The following PCDHA12 variants were observed in gnomAD, a reference collection of about 807,000 sequenced individuals.
The protein encoded by PCDHA12 is protocadherin alpha 12, also known as protocadherin alpha-12.
In PCDHA12, 44 loss-of-function variants were observed where a neutral mutation model predicts 60.0. That is an observed-to-expected ratio of 0.73 (90% CI 0.58 to 0.94). The LOEUF (loss-of-function observed/expected upper bound fraction) is 0.94. Ranked by LOEUF, PCDHA12 falls within the 40% of genes least tolerant of loss-of-function variation. The pLI is 0.00. For synonymous variants in PCDHA12, 569 were observed against 553.0 expected (o/e 1.03, Z -0.40); for missense variants, 1,276 against 1,239.7 (o/e 1.03, Z -0.44).
chr5:140,899,050 G>A (rs1554188361), intron 1 of PCDHA12, among the ~76,000 whole-genome samples: 2 of 152,016 alleles, frequency 1.3e-5, no homozygotes, highest in African/African-American at 4.8e-5. Context: ...TGTATCCTGA[G>A]ACTTTGCTGA....
intron 1 of PCDHA12, among the ~76,000 whole-genome samples, chr5:140,941,214 CCTTT>C (rs60032403): frequency 6.5e-5 from 8 of 122,492 alleles, no homozygotes; most frequent in Non-Finnish European, 1.2e-4. Context: ...TTTCTTTCTT[CCTTT>C]CTTTCTTTCT....
chr5:140,990,822 C>G (rs1273714328), intron 3 of PCDHA12, among the ~76,000 whole-genome samples: 1 of 152,204 alleles, frequency 6.6e-6, no homozygotes. Flanking sequence ...CTTCTCTCAG[C>G]TAAAGCCTAT....
intron 1 of PCDHA12, among the ~76,000 whole-genome samples, chr5:140,918,402 T>C (rs906018367): frequency 1.3e-5 from 2 of 152,212 alleles, no homozygotes; most frequent in African/African-American, 4.8e-5. Flanking sequence ...GCCTGATTTC[T>C]CTGGCCAGGA....
intron 3 of PCDHA12, among the ~76,000 whole-genome samples, chr5:141,000,387 CTCTCTCTCTATATATATATA>C (rs1348939997): frequency 1.5e-5 from 1 of 66,898 alleles, no homozygotes; most frequent in Non-Finnish European, 2.8e-5. Context: ...CTCTCTCTCT[CTCTCTCTCTATATATATATA>C]TATATATATA....
At chr5:140,995,410 T>C (rs555899259) in intron 3 of PCDHA12, among the ~76,000 whole-genome samples, 1 of 152,310 alleles carries the variant, frequency 6.6e-6, no homozygotes, top group Non-Finnish European at 1.5e-5. Flanking sequence ...CGAGATTTCA[T>C]CACATTACTC....
intron 1 of PCDHA12, among the ~76,000 whole-genome samples, chr5:140,951,082 C>CT (rs573059224): frequency 1.2e-3 from 178 of 151,520 alleles, no homozygotes; most frequent in African/African-American, 4.1e-3. Context: ...TTATATTTTC[C>CT]TTTTTTTCTG....
At chr5:140,940,667 T>A (rs1167360120) in intron 1 of PCDHA12, among the ~76,000 whole-genome samples, 5 of 152,224 alleles carry the variant, frequency 3.3e-5, no homozygotes, top group African/African-American at 1.2e-4. Context: ...TAAATCTTCA[T>A]CTGATAATTC....
At chr5:140,917,587 C>T (rs2078270380) in intron 1 of PCDHA12, among the ~76,000 whole-genome samples, 1 of 152,164 alleles carries the variant, frequency 6.6e-6, no homozygotes, top group Non-Finnish European at 1.5e-5. Context: ...TTTGTTCATG[C>T]TGAAAGGAAG....
At position 140,927,553 on chromosome 5, in the gene PCDHA12, A is replaced by G. The variant is rs782577411; in HGVS notation, c.2367+49714A>G. 1.3e-5 allele frequency: 21 copies of G among 1,614,030 alleles called. No homozygotes were observed. The highest frequency in any genetic ancestry group is 9.3e-5 in the African/African-American group (7 of 74,932). ...CCGCTCAGGAGACGCACAAGTCACC[A>G]TCATTGTGGTGGACACAAATGACAA... On this transcript the variant is annotated intron_variant, in intron 1 of 3. Coordinates refer to ENST00000398631, the MANE Select transcript of PCDHA12 (RefSeq NM_018903.4).
At chr5:140,895,092 G>A (rs2064837860) in intron 1 of PCDHA12, among the ~76,000 whole-genome samples, 1 of 152,090 alleles carries the variant, frequency 6.6e-6, no homozygotes, top group Admixed American at 6.5e-5. Flanking sequence ...CCTCAGTATA[G>A]GGGTTTTTGC....
At chr5:140,892,592 C>T (rs1053889046) in intron 1 of PCDHA12, among the ~76,000 whole-genome samples, 2 of 152,214 alleles carry the variant, frequency 1.3e-5, no homozygotes, top group Admixed American at 6.5e-5. Context: ...TATTCATTCA[C>T]CTATTTTTTT....
At chr5:140,994,939 C>T (rs1210134523) in intron 3 of PCDHA12, among the ~76,000 whole-genome samples, 5 of 152,160 alleles carry the variant, frequency 3.3e-5, no homozygotes, top group Non-Finnish European at 7.3e-5. Context: ...CTTAAACATC[C>T]TGCTAAATAA....
intron 1 of PCDHA12, among the ~76,000 whole-genome samples, chr5:140,903,649 T>C (rs1335268583): frequency 6.6e-6 from 1 of 152,236 alleles, no homozygotes; most frequent in Non-Finnish European, 1.5e-5. Context: ...CATATACATA[T>C]ATTATAAATT....
Position 140,958,902 on chromosome 5 carries a change from GAA to G in PCDHA12, c.2368-20044_2368-20043del, listed in dbSNP as rs201571519. On this transcript the variant is annotated intron_variant, in intron 1 of 3. Transcript: ENST00000398631. ...GACCAGTAGCTATATAATAGATACA[GAA>G]AAGTCTGCCTGGGTGTGGTGGCTCA... Among the ~76,000 whole-genome samples the G allele has an allele frequency of 8.2e-3, 1,248 of 152,002 alleles. 7 individuals carry two copies. The highest frequency in any genetic ancestry group is 0.021 in the Middle Eastern group (6 of 292).
At chr5:140,895,949 T>C (rs1413820088) in intron 1 of PCDHA12, among the ~76,000 whole-genome samples, 1 of 152,256 alleles carries the variant, frequency 6.6e-6, no homozygotes, top group East Asian at 1.9e-4. Context: ...TAGCTGGGAT[T>C]ACAGGTGCCT....
intron 1 of PCDHA12, among the ~76,000 whole-genome samples, chr5:140,939,692 A>T (rs2092437980): frequency 6.6e-6 from 1 of 152,222 alleles, no homozygotes; most frequent in African/African-American, 2.4e-5. Context: ...GTGTTGCTGG[A>T]CATTATCATT....
chr5:140,954,782 C>T (rs894049284), intron 1 of PCDHA12, among the ~76,000 whole-genome samples: 3 of 152,128 alleles, frequency 2.0e-5, no homozygotes, highest in Non-Finnish European at 4.4e-5. Context: ...TTAATTAGAT[C>T]TCATTTGTCA....
At chr5:140,947,299 C>T (rs547529076) in intron 1 of PCDHA12, among the ~76,000 whole-genome samples, 1 of 151,554 alleles carries the variant, frequency 6.6e-6, no homozygotes, top group South Asian at 2.1e-4. Context: ...ATTATCTTGA[C>T]ATCTTTGTAA....
chr5:140,957,879 G>T (rs2095393633), intron 1 of PCDHA12, among the ~76,000 whole-genome samples: 1 of 151,960 alleles, frequency 6.6e-6, no homozygotes, highest in Non-Finnish European at 1.5e-5. Flanking sequence ...GTGCTGAAAA[G>T]CTGAAGTTGG....
Sources: gnomAD v4.1 joint callset for allele counts (sites outside exome capture counted in the v4.1 genomes callset) on GRCh38, gnomAD v4.1.1 for gene constraint, MANE v1.5 for transcripts, NCBI Gene and HGNC (gene_info 2026-07-23, HGNC 2026-07-21) for gene names.